The following KIF1B variants were observed in gnomAD, a reference collection of about 807,000 sequenced individuals.
The protein encoded by KIF1B is kinesin family member 1B, also known as kinesin-like protein KIF1B.
A neutral mutation model predicts 241.9 loss-of-function variants in KIF1B; 76 were observed. That is an observed-to-expected ratio of 0.31 (90% confidence interval 0.26 to 0.38). The LOEUF (loss-of-function observed/expected upper bound fraction) is 0.38. KIF1B is among the 10% of genes least tolerant of loss of function. The probability of loss-of-function intolerance (pLI) is 1.00; values close to 1 mark genes in which losing one functional copy is unlikely to be tolerated. For synonymous variants in KIF1B, 750 were observed against 796.7 expected, an observed-to-expected ratio of 0.94 and a Z score of 0.99; for missense variants, 1,622 against 2,271.4, an observed-to-expected ratio of 0.71 and a Z score of 5.81.
intron 38 of KIF1B, among the ~76,000 whole-genome samples, chr1:10,357,604 G>A (rs1051977201): frequency 2.0e-5 from 3 of 152,018 alleles, no homozygotes; most frequent in Non-Finnish European, 2.9e-5. Flanking sequence ...GTGGTGGCTC[G>A]TGCCTATATT....
intron 28 of KIF1B, 139 bp downstream of exon 28, chr1:10,334,777 G>T: frequency 1.4e-6 from 1 of 720,258 alleles, no homozygotes; most frequent in South Asian, 1.5e-5. Context: ...CACATACTTT[G>T]GAGAAAGCCT....
chr1:10,374,554 A>G lies in KIF1B; in HGVS notation c.5096+89A>G. On this transcript the variant is annotated intron_variant, in intron 46 of 48. Coordinates refer to ENST00000676179, the MANE Select transcript of KIF1B (RefSeq NM_001365951.3). The surrounding 1 kb of genome is among the most constrained non-coding windows in gnomAD (Gnocchi z 4.3). ...GCCAGCTCTTCCCTGTGAGGTCTGTACTGTAGTCTGATGCAATCTGTACTG... is the reference window on the plus strand; with the variant it reads ...GCCAGCTCTTCCCTGTGAGGTCTGTGCTGTAGTCTGATGCAATCTGTACTG... The G allele has an allele frequency of 7.0e-7, 1 of 1,430,278 alleles. No individual in the cohort carries two copies. Among genetic ancestry groups the G allele is most frequent in the Non-Finnish European group, 9.8e-7 (1 of 1,017,754 alleles). 88.6% of individuals were successfully genotyped at this position (1,430,278 alleles called of 1,614,324 possible).
Position 10,337,672 on chromosome 1 carries a change from T to C in KIF1B, c.3422+139T>C. ...GATCAGTCTCTGAAGGAAAATACTT[T>C]CATCACTCCTATGGGAGTGAGAACC... On this transcript the variant is annotated intron_variant, in intron 31 of 48. Transcript: ENST00000676179. This position sits in a 1 kb window ranked among gnomAD's most constrained non-coding sequence, Gnocchi z 4.0. 1 of 977,040 alleles carries C rather than the reference T, an allele frequency of 1.0e-6. No individual in the cohort carries two copies. Among genetic ancestry groups the C allele is most frequent in the South Asian group, 1.5e-5 (1 of 65,580 alleles). 60.5% of individuals were successfully genotyped at this position (977,040 alleles called of 1,614,324 possible).
chr1:10,211,428 TGGCCA>T (rs1316195229), intron 1 of KIF1B, among the ~76,000 whole-genome samples: 3 of 152,138 alleles, frequency 2.0e-5, no homozygotes, highest in African/African-American at 7.2e-5. Context: ...TGTTGGATGC[TGGCCA>T]GGTGTGAGGA....
chr1:10,261,792 A>G (rs2102193945), intron 4 of KIF1B, 113 bp from the exon 5 acceptor site: 1 of 748,188 alleles, frequency 1.3e-6, no homozygotes, highest in Non-Finnish European at 2.5e-6. Context: ...ATGACATAAT[A>G]TATTTTGAGA....
chr1:10,353,645 T>C (rs1652876107), intron 38 of KIF1B, among the ~76,000 whole-genome samples: 1 of 152,220 alleles, frequency 6.6e-6, no homozygotes, highest in Non-Finnish European at 1.5e-5. Context: ...AATAAGACGA[T>C]AGGCAGAAAT....
Position 10,271,550 on chromosome 1 carries a change from T to A in KIF1B, c.769T>A (p.Ser257Thr). 1 of 1,613,970 alleles carries A rather than the reference T, an allele frequency of 6.2e-7. No homozygotes were observed. Among genetic ancestry groups the A allele is most frequent in the Non-Finnish European group, 8.5e-7 (1 of 1,179,836 alleles). Residue 257 changes from serine to threonine, a missense_variant, in exon 8 of 49, where the codon TCA becomes ACA. Ser to Thr is a moderately conservative substitution (Grantham distance 58, BLOSUM62 1). Around this residue, in one of 7 missense-constraint regions of KIF1B, gnomAD observed 201 missense variants for 301.2 expected, o/e 0.67. Transcript: ENST00000676179. ...TCTAGCAGGAAGTGAACGAGCTGAT[T>A]CAACTGGTGCCAAAGGGACTCGATT... Reference protein sequence around the residue: ...VDLAGSERADSTGAKGTRLKE... With the variant: ...VDLAGSERADTTGAKGTRLKE...
Position 10,326,192 on chromosome 1 carries a change from C to T in KIF1B, c.2757C>T (p.Asp919=), listed in dbSNP as rs78013543. ...PSPTFSTADS[D]ITELADEQQD... Reference sequence around the variant, plus strand: ...CCACTTTTTCCACGGCCGATTCCGACATCACTGAGCTGGCTGACGAGCAGC... The same window carrying T: ...CCACTTTTTCCACGGCCGATTCCGATATCACTGAGCTGGCTGACGAGCAGC... The change falls in exon 27 of 49, where the codon GAC becomes GAT. Residue 919 remains aspartate (D), a synonymous_variant. Coordinates refer to ENST00000676179, the MANE Select transcript of KIF1B (RefSeq NM_001365951.3). This position sits in a 1 kb window ranked among gnomAD's most constrained non-coding sequence, Gnocchi z 5.2. 239 of 1,614,172 alleles carry T rather than the reference C, an allele frequency of 1.5e-4. No homozygotes were observed. In the African/African-American group the frequency reaches 2.9e-3, roughly 20 times the overall value.
At chr1:10,287,918 G>C (rs1649794223) in intron 15 of KIF1B, among the ~76,000 whole-genome samples, 2 of 152,164 alleles carry the variant, frequency 1.3e-5, no homozygotes, top group Admixed American at 1.3e-4. Flanking sequence ...GGTTTATTGT[G>C]GTTAGTACTA....
At chr1:10,242,081 G>A (rs1454279842) in intron 2 of KIF1B, among the ~76,000 whole-genome samples, 1 of 152,176 alleles carries the variant, frequency 6.6e-6, no homozygotes, top group African/African-American at 2.4e-5. Flanking sequence ...CAGGTGATAA[G>A]AATAAGAAAT....
Position 10,342,144 on chromosome 1 carries a change from A to C in KIF1B, c.3608A>C (p.His1203Pro). 1 of 1,611,264 alleles carries C rather than the reference A, an allele frequency of 6.2e-7. No individual in the cohort carries two copies. The highest frequency in any genetic ancestry group is 1.7e-5 in the Admixed American group (1 of 60,022). The change falls in exon 33 of 49, where the codon CAT becomes CCT. Residue 1203 changes from histidine to proline, a missense_variant. Coordinates refer to ENST00000676179, the MANE Select transcript of KIF1B (RefSeq NM_001365951.3). Reference sequence around the variant, plus strand: ...GGGCATTATCAGCAGCACCCACTTCATCTGCAAGGACAGGAGCTTAACAGG... The same window carrying C: ...GGGCATTATCAGCAGCACCCACTTCCTCTGCAAGGACAGGAGCTTAACAGG... Reference protein sequence around the residue: ...VFGHYQQHPLHLQGQELNSPP... With the variant: ...VFGHYQQHPLPLQGQELNSPP...
Position 10,365,367 on chromosome 1 carries a change from C to T in KIF1B, c.4513-42C>T, listed in dbSNP as rs377262749. On this transcript the variant is annotated intron_variant, in intron 42 of 48. Transcript: ENST00000676179. This position sits in a 1 kb window ranked among gnomAD's most constrained non-coding sequence, Gnocchi z 4.0. ...TCACTTTTCTCTCCTGAGGTCTTAA[C>T]GAGCTTTGTGTTTGCTATAGCAGTA... is the stretch of plus-strand genomic sequence containing the variant. 142 of 1,613,968 alleles carry T rather than the reference C, an allele frequency of 8.8e-5. No individual in the cohort carries two copies. Among genetic ancestry groups the T allele is most frequent in the Middle Eastern group, 1.6e-4 (1 of 6,084 alleles).
At position 10,334,521 on chromosome 1, in the gene KIF1B, G is replaced by T. The variant is rs1011153710; in HGVS notation, c.2926G>T (p.Ala976Ser). ...TTGTCTCCTGGTTTCTGTCTTTAGGGCATTTGTTTACCTGAGCAATCTGCT... is the reference window on the plus strand; with the variant it reads ...TTGTCTCCTGGTTTCTGTCTTTAGGTCATTTGTTTACCTGAGCAATCTGCT... ...RSPWFILVGR[A>S]FVYLSNLLYP... is the part of the protein sequence containing the mutation. The change falls in exon 28 of 49, where the codon GCA becomes TCA. Residue 976 changes from alanine to serine, a missense_variant and splice_region_variant. Coordinates refer to ENST00000676179, the MANE Select transcript of KIF1B (RefSeq NM_001365951.3). 1 of 1,609,694 alleles carries T rather than the reference G, an allele frequency of 6.2e-7. No homozygotes were observed. Among genetic ancestry groups the T allele is most frequent in the Non-Finnish European group, 8.5e-7 (1 of 1,176,042 alleles).
intron 22 of KIF1B, among the ~76,000 whole-genome samples, chr1:10,302,709 C>A (rs1356491056): frequency 6.6e-6 from 1 of 152,196 alleles, no homozygotes; most frequent in Non-Finnish European, 1.5e-5. Context: ...ACAGCAATAA[C>A]CAAGGCAAAT....
At chr1:10,304,478 A>T in intron 22 of KIF1B, 1 of 1,610,650 alleles carries the variant, frequency 6.2e-7, no homozygotes. Flanking sequence ...CAACACCGTC[A>T]GTCTTACTGT....
intron 15 of KIF1B, among the ~76,000 whole-genome samples, chr1:10,286,632 G>C (rs1016134936): frequency 1.3e-5 from 2 of 152,180 alleles, no homozygotes; most frequent in Non-Finnish European, 1.5e-5. Context: ...TTTCTGACTT[G>C]TCCTGGTGAT....
intron 38 of KIF1B, among the ~76,000 whole-genome samples, chr1:10,357,748 C>T (rs958366707): frequency 1.3e-5 from 2 of 151,740 alleles, no homozygotes; most frequent in Non-Finnish European, 2.9e-5. Flanking sequence ...GTGGCTCACA[C>T]CTGTAATCCC....
rs182222280 is a variant in KIF1B at position 10,290,080 on chromosome 1, T to C, written c.1435-1002T>C. ...TCACTTACTTCTCTCTCTCTCTCTC[T>C]GGTATACAGTAACCTCCTTGAGAGC... On this transcript the variant is annotated intron_variant, in intron 15 of 48. Coordinates refer to ENST00000676179, the MANE Select transcript of KIF1B (RefSeq NM_001365951.3). 1.2e-4 allele frequency among the ~76,000 whole-genome samples: 19 copies of C among 152,238 alleles called. 1 individual carries two copies. Among genetic ancestry groups the C allele is most frequent in the Admixed American group, 2.6e-4 (4 of 15,286 alleles).
intron 5 of KIF1B, among the ~76,000 whole-genome samples, chr1:10,267,085 T>C (rs148533947): frequency 1.3e-5 from 2 of 152,074 alleles, no homozygotes; most frequent in Admixed American, 6.6e-5. Context: ...GGGTGTGATA[T>C]CGGCTCACTC....
Sources: gnomAD v4.1 joint callset for allele counts (sites outside exome capture counted in the v4.1 genomes callset) on GRCh38, gnomAD v4.1.1 for gene constraint, gnomAD v4.1.1 regional missense constraint, Gnocchi (gnomAD v3.1) non-coding constraint, MANE v1.5 for transcripts, NCBI Gene and HGNC (gene_info 2026-07-23, HGNC 2026-07-21) for gene names.